The following METTL8 variants were observed in gnomAD, a reference collection of about 807,000 sequenced individuals.
METTL8 encodes the protein tRNA N(3)-cytidine methyltransferase METTL8, mitochondrial.
Under a neutral mutation model 48.7 loss-of-function variants are expected in METTL8, and 32 were observed. The observed-to-expected ratio is 0.66, with a 90% CI of 0.50 to 0.88. The LOEUF (loss-of-function observed/expected upper bound fraction) is 0.88. Ranked by LOEUF, METTL8 falls within the 40% of genes least tolerant of loss-of-function variation. METTL8 has a pLI of 0.00. For missense variants in METTL8, 464 were observed against 474.4 expected (o/e 0.98, Z 0.20); for synonymous variants, 136 against 157.1 (o/e 0.87, Z 1.01).
chr2:171,367,042 A>T (rs533872557), intron 2 of METTL8, among the ~76,000 whole-genome samples: 1 of 152,286 alleles, frequency 6.6e-6, no homozygotes, highest in Admixed American at 6.5e-5. Flanking sequence ...AACCTGTGGG[A>T]TAATACCAAT....
intron 1 of METTL8, among the ~76,000 whole-genome samples, chr2:171,427,596 T>C (rs1692545357): frequency 6.6e-6 from 1 of 152,182 alleles, no homozygotes; most frequent in African/African-American, 2.4e-5. Flanking sequence ...CCTGGACTAC[T>C]ACTCTGGACT....
At chr2:171,396,155 A>G (rs1386540030) in intron 1 of METTL8, among the ~76,000 whole-genome samples, 1 of 151,920 alleles carries the variant, frequency 6.6e-6, no homozygotes, top group Non-Finnish European at 1.5e-5. Flanking sequence ...GGGTGCCTAT[A>G]ATCAGCTGAG....
intron 2 of METTL8, among the ~76,000 whole-genome samples, chr2:171,386,235 T>C (rs2105546091): frequency 6.6e-6 from 1 of 152,316 alleles, no homozygotes; most frequent in Admixed American, 6.5e-5. Flanking sequence ...AAAAAATTGA[T>C]AAATGAGGAG....
chr2:171,430,495 C>A (rs1574271405), intron 1 of METTL8, among the ~76,000 whole-genome samples: 1 of 152,080 alleles, frequency 6.6e-6, no homozygotes, highest in African/African-American at 2.4e-5. Flanking sequence ...TATAACAAAA[C>A]TGCACGTTCT....
upstream of METTL8, chr2:171,434,146 G>GGAGGCGGGGCCGCGGCAGGCA (rs1399965818): frequency 2.9e-5 from 10 of 347,818 alleles, no homozygotes; most frequent in African/African-American, 1.1e-4. Context: ...GCGGGCCGGA[G>GGAGGCGGGGCCGCGGCAGGCA]GAGGCGGGGC....
At chr2:171,336,127 C>T (rs1009798143) in intron 5 of METTL8, among the ~76,000 whole-genome samples, 18 of 151,296 alleles carry the variant, frequency 1.2e-4, no homozygotes, top group South Asian at 6.3e-4. Flanking sequence ...GACAAAGTTT[C>T]GCACTGTTGC....
chr2:171,421,880 T>G (rs1405178706), intron 1 of METTL8, among the ~76,000 whole-genome samples: 1 of 152,190 alleles, frequency 6.6e-6, no homozygotes, highest in Non-Finnish European at 1.5e-5. Context: ...TCTTCATAGA[T>G]AGGATTATTT....
At chr2:171,324,729 T>C (rs1264504149) in intron 9 of METTL8, among the ~76,000 whole-genome samples, 3 of 152,224 alleles carry the variant, frequency 2.0e-5, no homozygotes, top group African/African-American at 2.4e-5. Flanking sequence ...AATCCTTGAA[T>C]GCAGCATTCA....
intron 1 of METTL8, among the ~76,000 whole-genome samples, chr2:171,413,213 A>G (rs1690927639): frequency 6.6e-6 from 1 of 152,212 alleles, no homozygotes; most frequent in Admixed American, 6.5e-5. Flanking sequence ...TTAAGATACT[A>G]CCACTTACTG....
At chr2:171,364,408 A>C (rs909437156) in intron 2 of METTL8, among the ~76,000 whole-genome samples, 20 of 152,108 alleles carry the variant, frequency 1.3e-4, no homozygotes, top group African/African-American at 4.8e-4. Flanking sequence ...TAAAAAAGGA[A>C]AGACATAAAA....
At chr2:171,427,711 C>A (rs562455263) in intron 1 of METTL8, among the ~76,000 whole-genome samples, 7 of 152,328 alleles carry the variant, frequency 4.6e-5, no homozygotes, top group African/African-American at 1.7e-4. Flanking sequence ...TTCAACCACC[C>A]TCCAGCACAT....
intron 2 of METTL8, among the ~76,000 whole-genome samples, chr2:171,372,402 T>C (rs1224294092): frequency 6.6e-6 from 1 of 152,094 alleles, no homozygotes; most frequent in African/African-American, 2.4e-5. Context: ...CAGGATAATG[T>C]GGACCTTTTC....
chr2:171,324,223 G>C lies in METTL8; in HGVS notation c.1173C>G (p.His391Gln), dbSNP rs1303640211. ...CCATATTGGAGCTATTCTGAGTCTG[G>C]TGCAATGGTTTCTGGAATTTGCCTT... ...WIQGKFQKPL[H>Q]QTQNSSNMVS... Residue 391 changes from histidine to glutamine, a missense_variant, in exon 10 of 10, where the codon CAC (histidine) becomes CAG (glutamine). Physicochemically the swap from His to Gln is conservative, Grantham distance 24 (BLOSUM62 0). Transcript: ENST00000375258. 6.4e-7 allele frequency: 1 copy of C among 1,550,596 alleles called. No homozygotes were observed. The highest frequency in any genetic ancestry group is 8.7e-7 in the Non-Finnish European group (1 of 1,146,832).
At chr2:171,396,456 C>A (rs1468621447) in intron 1 of METTL8, among the ~76,000 whole-genome samples, 1 of 152,044 alleles carries the variant, frequency 6.6e-6, no homozygotes, top group Non-Finnish European at 1.5e-5. Context: ...ATTAATACAG[C>A]CCTACCAATT....
chr2:171,415,663 T>C (rs898353048), intron 1 of METTL8, among the ~76,000 whole-genome samples: 19 of 152,256 alleles, frequency 1.2e-4, no homozygotes, highest in African/African-American at 4.1e-4. Context: ...AATATTCTTT[T>C]TTCTATGTAA....
intron 1 of METTL8, among the ~76,000 whole-genome samples, chr2:171,395,666 T>A (rs1184442117): frequency 1.3e-5 from 2 of 152,174 alleles, no homozygotes; most frequent in Non-Finnish European, 2.9e-5. Context: ...TGCATGTACC[T>A]AATAACAAAG....
At chr2:171,359,619 G>GT (rs371821670) in intron 3 of METTL8, among the ~76,000 whole-genome samples, 6,921 of 144,752 alleles carry the variant, frequency 0.048, 219 homozygotes, top group African/African-American at 0.086. Context: ...AACATTTCCG[G>GT]TTTTTTTTTT....
chr2:171,316,503 A>G lies in METTL8; in HGVS notation c.*7669T>C, dbSNP rs1279443874. Reference sequence around the variant, plus strand: ...TGTGAGTAAAACAAGGAAGATTATAATGAAGCTTTGTCTCACTAATCTCCA... The same window carrying G: ...TGTGAGTAAAACAAGGAAGATTATAGTGAAGCTTTGTCTCACTAATCTCCA... On this transcript the variant is annotated 3_prime_UTR_variant, in exon 10 of 10. Transcript: ENST00000375258. Among the ~76,000 whole-genome samples the G allele has an allele frequency of 1.3e-5, 2 of 152,222 alleles. No individual in the cohort carries two copies. The highest frequency in any genetic ancestry group is 4.8e-5 in the African/African-American group (2 of 41,448).
At chr2:171,402,476 G>A (rs185909114) in intron 1 of METTL8, among the ~76,000 whole-genome samples, 1 of 152,214 alleles carries the variant, frequency 6.6e-6, no homozygotes, top group Admixed American at 6.5e-5. Flanking sequence ...TACAAACAAG[G>A]GAGAAGAAAA....
Sources: gnomAD v4.1 joint callset for allele counts (sites outside exome capture counted in the v4.1 genomes callset) on GRCh38, gnomAD v4.1.1 for gene constraint, MANE v1.5 for transcripts, NCBI Gene and HGNC (gene_info 2026-07-23, HGNC 2026-07-21) for gene names.